PSAP: variants seen among roughly 807,000 people sequenced by gnomAD.
PSAP encodes the protein precursor of saposins.
In PSAP, 25 loss-of-function variants were observed where a neutral mutation model predicts 66.0. The observed-to-expected ratio is 0.38, with a 90% CI of 0.28 to 0.53. The LOEUF is 0.53. Ranked by LOEUF, PSAP falls within the 20% of genes least tolerant of loss-of-function variation. PSAP has a pLI of 0.83. For synonymous variants in PSAP, 273 were observed against 258.9 expected, an observed-to-expected ratio of 1.05 and a Z score of -0.52; for missense variants, 649 against 668.8, an observed-to-expected ratio of 0.97 and a Z score of 0.33.
Position 71,835,925 on chromosome 10 carries a change from G to A in PSAP, c.41-1420C>T, listed in dbSNP as rs149802429. Among the ~76,000 whole-genome samples the A allele has an allele frequency of 8.3e-4, 125 of 151,468 alleles. No individual in the cohort carries two copies. The South Asian group carries it at 9.4e-3, about 11-fold the overall frequency. The stretch of plus-strand genomic sequence containing the variant: ...CCCTCTGTAAGCCAATTCTACATAC[G>A]TGTGTAACACACATAGGAAACACGT... On this transcript the variant is annotated intron_variant, in intron 1 of 13. Transcript: ENST00000394936.
At chr10:71,824,713 T>C (rs1392357040) in intron 7 of PSAP, among the ~76,000 whole-genome samples, 1 of 152,266 alleles carries the variant, frequency 6.6e-6, no homozygotes, top group African/African-American at 2.4e-5. Flanking sequence ...GTAGTATATA[T>C]GAACCCGTTG....
At chr10:71,818,881 TG>T in intron 12 of PSAP, 149 bp downstream of exon 12, 1 of 1,007,874 alleles carries the variant, frequency 9.9e-7, no homozygotes, top group Non-Finnish European at 1.5e-6. Flanking sequence ...CGATGGGGCT[TG>T]GGGGGCTGGC....
intron 1 of PSAP, among the ~76,000 whole-genome samples, chr10:71,834,810 A>G (rs892976852): frequency 2.0e-5 from 3 of 152,374 alleles, no homozygotes; most frequent in African/African-American, 7.2e-5. Context: ...GTAATAAGGT[A>G]TCATCATAAC....
At chr10:71,851,116 GC>G in intron 1 of PSAP, 65 bp downstream of exon 1, 1 of 1,527,858 alleles carries the variant, frequency 6.5e-7, no homozygotes, top group South Asian at 1.2e-5. Flanking sequence ...GCCCGGCACA[GC>G]CCATTCTGGG....
intron 1 of PSAP, among the ~76,000 whole-genome samples, chr10:71,841,209 A>G (rs1842727914): frequency 6.6e-6 from 1 of 152,204 alleles, no homozygotes; most frequent in African/African-American, 2.4e-5. Flanking sequence ...ACAGGCACCC[A>G]CACAAACTGG....
intron 7 of PSAP, among the ~76,000 whole-genome samples, chr10:71,823,027 G>A (rs770707614): frequency 6.0e-5 from 9 of 150,772 alleles, no homozygotes; most frequent in South Asian, 4.2e-4. Flanking sequence ...AAAAAAAGAC[G>A]CCAATATTCA....
At position 71,828,994 on chromosome 10, in the gene PSAP, C is replaced by T; in HGVS notation, c.459G>A (p.Gln153=). 3 of 1,614,166 alleles carry T rather than the reference C, an allele frequency of 1.9e-6. No homozygotes were observed. Among genetic ancestry groups the T allele is most frequent in the Non-Finnish European group, 2.5e-6 (3 of 1,180,024 alleles). ...GCTCTGGGATCTTATTGGACTCCAG[C>T]TGCTTCTGGTGATTCAGCTCTGCTA... is the stretch of plus-strand genomic sequence containing the variant. ...KHLAELNHQK[Q]LESNKIPELD... is the part of the protein sequence containing the mutation. The change falls in exon 5 of 14, where the codon CAG becomes CAA. Residue 153 remains glutamine (Q), a synonymous_variant. Coordinates refer to ENST00000394936, the MANE Select transcript of PSAP (RefSeq NM_002778.4).
Position 71,819,073 on chromosome 10 carries a change from G to A in PSAP, c.1389C>T (p.Ile463=), listed in dbSNP as rs762811199. ...GATCCATCACCTCCACCAGGATCTC[G>A]ATCAGCACGGGCTCGTACTCTGCCA... ...QFVAEYEPVL[I]EILVEVMDPS... Residue 463 remains isoleucine, a synonymous_variant, in exon 12 of 14, where the codon ATC becomes ATT. Coordinates refer to ENST00000394936, the MANE Select transcript of PSAP (RefSeq NM_002778.4). 153 of 1,614,030 alleles carry A rather than the reference G, an allele frequency of 9.5e-5. 1 individual carries two copies. Among genetic ancestry groups the A allele is most frequent in the Non-Finnish European group, 1.2e-4 (140 of 1,180,034 alleles).
intron 7 of PSAP, among the ~76,000 whole-genome samples, chr10:71,824,850 G>C (rs569543558): frequency 6.6e-6 from 1 of 152,186 alleles, no homozygotes; most frequent in African/African-American, 2.4e-5. Flanking sequence ...AGTACTTCAC[G>C]AGATTAAATC....
intron 1 of PSAP, among the ~76,000 whole-genome samples, chr10:71,845,733 A>G (rs7922255): frequency 0.55 from 84,363 of 152,032 alleles, 23,789 homozygotes; most frequent in Non-Finnish European, 0.6. Context: ...CAGGTCCAGG[A>G]TTAGTGACAA....
At chr10:71,818,424 C>T (rs1190379463) in intron 13 of PSAP, among the ~76,000 whole-genome samples, 193 bp downstream of exon 13, 1 of 152,204 alleles carries the variant, frequency 6.6e-6, no homozygotes, top group Non-Finnish European at 1.5e-5. Flanking sequence ...CCACCCTTCA[C>T]TACAAGAGTG....
chr10:71,835,089 A>C (rs1043504261), intron 1 of PSAP, among the ~76,000 whole-genome samples: 2 of 151,944 alleles, frequency 1.3e-5, no homozygotes, highest in East Asian at 1.9e-4. Context: ...ACAAAAAAAA[A>C]CAATTAGCCA....
At chr10:71,836,355 C>T (rs750390229) in intron 1 of PSAP, among the ~76,000 whole-genome samples, 71 of 152,060 alleles carry the variant, frequency 4.7e-4, no homozygotes, top group Non-Finnish European at 8.8e-4. Context: ...CTCAGGGGAG[C>T]GGTGGAGGGG....
intron 1 of PSAP, among the ~76,000 whole-genome samples, chr10:71,849,014 T>C (rs531988941): frequency 3.9e-5 from 6 of 152,258 alleles, no homozygotes; most frequent in South Asian, 2.1e-4. Context: ...CGAGACACGA[T>C]TGAGTCCCTT....
intron 2 of PSAP, among the ~76,000 whole-genome samples, chr10:71,833,774 G>C (rs948101260): frequency 6.6e-6 from 1 of 152,180 alleles, no homozygotes; most frequent in East Asian, 1.9e-4. Context: ...ACATTAATAC[G>C]CTACATTTAG....
intron 1 of PSAP, 58 bp downstream of exon 1, chr10:71,851,124 T>C: frequency 6.5e-7 from 1 of 1,539,652 alleles, no homozygotes; most frequent in Middle Eastern, 1.9e-4. Context: ...CAGCCCATTC[T>C]GGGGCAGATG....
chr10:71,847,927 T>A (rs781410891), intron 1 of PSAP, among the ~76,000 whole-genome samples: 6 of 152,176 alleles, frequency 3.9e-5, no homozygotes, highest in Non-Finnish European at 8.8e-5. Flanking sequence ...CATAACTGTC[T>A]TAGCGTGGTG....
chr10:71,828,751 T>C, intron 5 of PSAP, 126 bp downstream of exon 5: 1 of 979,106 alleles, frequency 1.0e-6, no homozygotes, highest in African/African-American at 1.6e-5. Flanking sequence ...CTGGCTCATG[T>C]GACTGCAGAG....
intron 8 of PSAP, among the ~76,000 whole-genome samples, chr10:71,821,176 G>A (rs1842293968): frequency 6.6e-6 from 1 of 152,226 alleles, no homozygotes; most frequent in Admixed American, 6.5e-5. Context: ...ATGCAGAGAG[G>A]AGACAGCAGA....
Sources: allele counts gnomAD v4.1 joint callset (sites outside exome capture counted in the v4.1 genomes callset), GRCh38; gene constraint gnomAD v4.1.1; transcripts MANE v1.5; gene names NCBI Gene and HGNC (gene_info 2026-07-23, HGNC 2026-07-21).